PCTP: variants seen among roughly 807,000 people sequenced by gnomAD.
PCTP encodes the protein START domain-containing protein 2.
PCTP carries 27 observed loss-of-function variants against 31.0 expected under a neutral mutation model. The ratio of observed to expected loss-of-function variants is 0.87; its 90% CI spans 0.64 to 1.20. The LOEUF (loss-of-function observed/expected upper bound fraction) is 1.20, where lower values mean the gene tolerates loss of function less well. Ranked by LOEUF, PCTP falls within the 50% of genes most tolerant of loss-of-function variation. PCTP has a pLI of 0.00. For missense variants in PCTP, 287 were observed against 268.2 expected (o/e 1.07, Z -0.49); for synonymous variants, 108 against 101.2 (o/e 1.07, Z -0.40).
At chr17:55,842,508 G>C (rs1346699753) in intron 5 of PCTP, among the ~76,000 whole-genome samples, 1 of 152,122 alleles carries the variant, frequency 6.6e-6, no homozygotes, top group African/African-American at 2.4e-5. Flanking sequence ...AAAGAGCCAG[G>C]CTTTAGTTTA....
At chr17:55,775,788 CT>C in intron 5 of PCTP, 1 of 1,256,786 alleles carries the variant, frequency 8.0e-7, no homozygotes, top group African/African-American at 1.5e-5. Context: ...AACATCTTCG[CT>C]TTTTCCTAGA....
In PCTP at chr17:55,771,189, T is replaced by G. The variant is rs1910985215; in HGVS notation, c.339+4T>G. 2 of 1,599,314 alleles carry G rather than the reference T, an allele frequency of 1.3e-6. No homozygotes were observed. Among genetic ancestry groups the G allele is most frequent in the African/African-American group, 1.3e-5 (1 of 74,532 alleles). On this transcript the variant is annotated splice_donor_region_variant and intron_variant, in intron 3 of 5. Coordinates refer to ENST00000268896, the MANE Select transcript of PCTP (RefSeq NM_021213.4). ...TTTTCCCATGTCCAACAGAGACGTA[T>G]CCTTTCCACAAGGTACTCATTCCCT...
chr17:55,848,901 A>G, the PCTP span, among the ~76,000 whole-genome samples: 1 of 152,260 alleles, frequency 6.6e-6, no homozygotes, highest in African/African-American at 2.4e-5. Context: ...CAATTTAGCT[A>G]TCACACATAG....
Position 55,758,580 on chromosome 17 carries a change from G to T in PCTP, c.141+7336G>T, listed in dbSNP as rs556017422. ...CTTTCTGTCATCCTTCTGATTACCA[G>T]CGTGATTGATAGAATCATTCTTGAG... On this transcript the variant is annotated intron_variant, in intron 1 of 5. Transcript: ENST00000268896. Among the ~76,000 whole-genome samples, 3 of 152,298 alleles carry T rather than the reference G, an allele frequency of 2.0e-5. No homozygotes were observed. In the East Asian group the frequency reaches 5.8e-4, roughly 29 times the overall value.
intron 3 of PCTP, among the ~76,000 whole-genome samples, chr17:55,799,129 GA>G (rs1334607940): frequency 6.6e-6 from 1 of 151,114 alleles, no homozygotes; most frequent in East Asian, 1.9e-4. Flanking sequence ...AGAGAGGAGA[GA>G]AAAAGGACAT....
chr17:55,797,786 C>G (rs957150619), intron 3 of PCTP, among the ~76,000 whole-genome samples: 1 of 151,854 alleles, frequency 6.6e-6, no homozygotes, highest in Admixed American at 6.6e-5. Context: ...AAAATGTTAT[C>G]CAGAAACTCA....
At chr17:55,790,000 T>C (rs1271753740) in intron 3 of PCTP, among the ~76,000 whole-genome samples, 1 of 152,170 alleles carries the variant, frequency 6.6e-6, no homozygotes, top group East Asian at 1.9e-4. Flanking sequence ...TGGTTCAATA[T>C]ATGAAAATCA....
At chr17:55,836,314 A>T (rs12948044) in intron 5 of PCTP, among the ~76,000 whole-genome samples, 1 of 151,960 alleles carries the variant, frequency 6.6e-6, no homozygotes, top group Admixed American at 6.5e-5. Flanking sequence ...AAAATCTTTG[A>T]CAACTGATAC....
At chr17:55,806,180 A>AG (rs1222817765) in intron 3 of PCTP, among the ~76,000 whole-genome samples, 1 of 151,978 alleles carries the variant, frequency 6.6e-6, no homozygotes, top group African/African-American at 2.4e-5. Flanking sequence ...ACAGAAAGAG[A>AG]GGGGATCTAG....
intron 1 of PCTP, among the ~76,000 whole-genome samples, chr17:55,756,063 CAGAT>C (rs1910000173): frequency 6.6e-6 from 1 of 152,302 alleles, no homozygotes; most frequent in East Asian, 1.9e-4. Flanking sequence ...ATTTTGGAGT[CAGAT>C]AGTCCTGTGT....
At chr17:55,767,298 G>T (rs1910716989) in intron 1 of PCTP, 37 bp from the exon 2 acceptor site, 1 of 1,312,016 alleles carries the variant, frequency 7.6e-7, no homozygotes, top group Non-Finnish European at 1.1e-6. Context: ...CTCAACTTGG[G>T]AACCAATAGA....
At chr17:55,773,643 C>A in intron 3 of PCTP, 81 bp from the exon 4 acceptor site, 1 of 1,389,268 alleles carries the variant, frequency 7.2e-7, no homozygotes, top group Non-Finnish European at 9.9e-7. Flanking sequence ...GAATCACCTC[C>A]CTTTGCTTCC....
chr17:55,808,015 T>C (rs1057423306), intron 3 of PCTP, among the ~76,000 whole-genome samples: 1 of 152,188 alleles, frequency 6.6e-6, no homozygotes, highest in African/African-American at 2.4e-5. Context: ...ATGATAATGA[T>C]GGTGGTGACT....
At chr17:55,781,200 G>A (rs1245146204), downstream of PCTP, among the ~76,000 whole-genome samples, 1 of 152,194 alleles carries the variant, frequency 6.6e-6, no homozygotes, top group Non-Finnish European at 1.5e-5. Context: ...TTCATTTAAT[G>A]TGATCAATAA....
At chr17:55,792,775 T>G (rs1912046904) in intron 3 of PCTP, among the ~76,000 whole-genome samples, 1 of 152,190 alleles carries the variant, frequency 6.6e-6, no homozygotes, top group African/African-American at 2.4e-5. Context: ...CTCACTCACA[T>G]GCAGTATACC....
At chr17:55,803,892 CAAA>C (rs35044645) in intron 3 of PCTP, among the ~76,000 whole-genome samples, 1 of 126,498 alleles carries the variant, frequency 7.9e-6, no homozygotes, top group East Asian at 2.4e-4. Flanking sequence ...TTCTGCAGAG[CAAA>C]AAAAAAAAAA....
chr17:55,776,089 A>G lies in PCTP; in HGVS notation c.634A>G (p.Lys212Glu). The change falls in exon 6 of 6, where the codon AAG becomes GAG. Residue 212 changes from lysine to glutamate, a missense_variant. By Grantham distance (56) the Lys-to-Glu change is moderately conservative (BLOSUM62 1). Transcript: ENST00000268896. ...GGCAAGAGCCTGTCAGAACTACCTCAAGAAAACCTAAGAAAGAGAACTGGG... is the reference window on the plus strand; with the variant it reads ...GGCAAGAGCCTGTCAGAACTACCTCGAGAAAACCTAAGAAAGAGAACTGGG... ...DMARACQNYL[K>E]KT is the part of the protein sequence containing the mutation. 6.2e-7 allele frequency: 1 copy of G among 1,614,074 alleles called. No individual in the cohort carries two copies. The highest frequency in any genetic ancestry group is 8.5e-7 in the Non-Finnish European group (1 of 1,179,986).
At chr17:55,795,523 C>A (rs190762855) in intron 3 of PCTP, among the ~76,000 whole-genome samples, 1 of 152,174 alleles carries the variant, frequency 6.6e-6, no homozygotes, top group East Asian at 1.9e-4. Context: ...TGTGCCGTAA[C>A]TCTCTGAGAG....
intron 3 of PCTP, among the ~76,000 whole-genome samples, chr17:55,812,113 T>A (rs1567728161): frequency 6.6e-6 from 1 of 152,200 alleles, no homozygotes; most frequent in Non-Finnish European, 1.5e-5. Flanking sequence ...TGAGTAGAAC[T>A]AAAGAGATCT....
Sources: allele counts gnomAD v4.1 joint callset (sites outside exome capture counted in the v4.1 genomes callset), GRCh38; gene constraint gnomAD v4.1.1; transcripts MANE v1.5; gene names NCBI Gene and HGNC (gene_info 2026-07-23, HGNC 2026-07-21).